EYS: variants seen among roughly 807,000 people sequenced by gnomAD.
The protein encoded by EYS is EGF-like photoreceptor maintenance factor.
Under a neutral mutation model 282.1 loss-of-function variants are expected in EYS, and 250 were observed. That is an observed-to-expected ratio of 0.89 (90% CI 0.80 to 0.98). EYS has a LOEUF of 0.98. EYS is among the 50% of genes least tolerant of loss of function. EYS has a pLI of 0.00. For synonymous variants in EYS, 1,355 were observed against 1,282.9 expected (o/e 1.06, Z -1.20); for missense variants, 4,016 against 3,709.0 (o/e 1.08, Z -2.15).
intron 19 of EYS, among the ~76,000 whole-genome samples, chr6:64,843,787 T>G (rs1482833011): frequency 1.3e-5 from 2 of 152,028 alleles, no homozygotes; most frequent in Non-Finnish European, 2.9e-5. Context: ...GCATGATTGA[T>G]TTTGAAATGT....
intron 13 of EYS, among the ~76,000 whole-genome samples, chr6:65,032,711 T>C (rs1455565681): frequency 6.6e-6 from 1 of 152,094 alleles, no homozygotes; most frequent in African/African-American, 2.4e-5. Flanking sequence ...CAGTCTTGGG[T>C]TCTTTTTATA....
intron 22 of EYS, among the ~76,000 whole-genome samples, chr6:64,645,730 G>T (rs900588611): frequency 6.6e-6 from 1 of 152,066 alleles, no homozygotes; most frequent in Admixed American, 6.5e-5. Context: ...TTATTAGAAT[G>T]CTGTCAGAAA....
chr6:64,616,855 C>T (rs1051094208), intron 24 of EYS, among the ~76,000 whole-genome samples: 10 of 152,128 alleles, frequency 6.6e-5, no homozygotes, highest in Non-Finnish European at 1.2e-4. Flanking sequence ...TTACCAATTG[C>T]TGTTTTTTCA....
intron 31 of EYS, among the ~76,000 whole-genome samples, chr6:64,102,363 A>G (rs1267489034): frequency 6.6e-6 from 1 of 152,194 alleles, no homozygotes; most frequent in African/African-American, 2.4e-5. Flanking sequence ...ATCATTTTCA[A>G]GAGTGAATTT....
At chr6:64,898,934 C>T (rs751854613) in intron 18 of EYS, among the ~76,000 whole-genome samples, 9 of 151,836 alleles carry the variant, frequency 5.9e-5, no homozygotes, top group Non-Finnish European at 1.0e-4. Context: ...GCATACAATA[C>T]AGGAGCACCC....
chr6:64,000,168 C>CTTTTTTT lies in EYS; in HGVS notation c.6726-992_6726-986dup, dbSNP rs71551553. Among the ~76,000 whole-genome samples, 46 of 42,726 alleles carry CTTTTTTT rather than the reference C, an allele frequency of 1.1e-3. 9 individuals carry two copies. Among genetic ancestry groups the CTTTTTTT allele is most frequent in the East Asian group, 3.4e-3 (4 of 1,166 alleles). The allele number at this position is 42,726 out of a possible 152,430, so 28.0% of individuals were successfully genotyped here. On this transcript the variant is annotated intron_variant, in intron 33 of 42. Coordinates refer to ENST00000503581, the MANE Select transcript of EYS (RefSeq NM_001142800.2). ...CTGAGGAGTTTCCCAAGACATGGGA[C>CTTTTTTT]TTTTTTTTTTTTTTTTTTTTTTTTT...
intron 29 of EYS, among the ~76,000 whole-genome samples, chr6:64,364,419 T>C (rs1213141105): frequency 6.6e-6 from 1 of 151,948 alleles, no homozygotes. Flanking sequence ...ATTATGAATA[T>C]AGCATACATG....
intron 30 of EYS, among the ~76,000 whole-genome samples, chr6:64,284,016 C>A (rs1403807981): frequency 6.6e-6 from 1 of 152,134 alleles, no homozygotes; most frequent in African/African-American, 2.4e-5. Flanking sequence ...CCATATCATT[C>A]CACCCCTGGC....
chr6:64,167,989 G>A (rs1764347658), intron 31 of EYS, among the ~76,000 whole-genome samples: 1 of 152,176 alleles, frequency 6.6e-6, no homozygotes, highest in Non-Finnish European at 1.5e-5. Context: ...TAGGCCAGGC[G>A]CAGTGGCTCA....
chr6:64,309,739 C>T (rs1450079905), intron 29 of EYS, among the ~76,000 whole-genome samples: 1 of 151,872 alleles, frequency 6.6e-6, no homozygotes, highest in Non-Finnish European at 1.5e-5. Flanking sequence ...GGCCGAGGCA[C>T]GTGGATCATG....
intron 31 of EYS, among the ~76,000 whole-genome samples, chr6:64,198,469 C>T (rs1053448007): frequency 5.3e-5 from 8 of 152,092 alleles, no homozygotes; most frequent in African/African-American, 1.7e-4. Context: ...AATGCTAGCC[C>T]TCCCCTGGCC....
chr6:64,261,790 T>G (rs1052480767), intron 30 of EYS, among the ~76,000 whole-genome samples: 1 of 151,230 alleles, frequency 6.6e-6, no homozygotes, highest in African/African-American at 2.4e-5. Context: ...TTATTTTGTT[T>G]TTTTTTTTTC....
At chr6:64,948,774 T>G (rs779735497) in intron 14 of EYS, among the ~76,000 whole-genome samples, 1 of 151,516 alleles carries the variant, frequency 6.6e-6, no homozygotes, top group Non-Finnish European at 1.5e-5. Context: ...AATTAGAATC[T>G]TATCATTTTT....
chr6:64,480,793 TCTA>T (rs1325159633), intron 26 of EYS, among the ~76,000 whole-genome samples: 1 of 151,772 alleles, frequency 6.6e-6, no homozygotes, highest in African/African-American at 2.4e-5. Context: ...TGGCACTTAT[TCTA>T]CTGCTGTTAC....
chr6:63,852,222 AAAATAGAACCCTAGCCAGAC>A (rs1366963929), intron 36 of EYS, among the ~76,000 whole-genome samples: 1 of 151,560 alleles, frequency 6.6e-6, no homozygotes, highest in Admixed American at 6.6e-5. Context: ...AAATATTAAC[AAAATAGAACCCTAGCCAGAC>A]TAATAAGAAA....
At chr6:63,735,795 T>C (rs115418747) in intron 41 of EYS, among the ~76,000 whole-genome samples, 1 of 152,068 alleles carries the variant, frequency 6.6e-6, no homozygotes, top group Non-Finnish European at 1.5e-5. Context: ...TTAGTTGTCA[T>C]GTCTCTTCAT....
Position 63,760,671 on chromosome 6 carries a change from T to A in EYS, c.8071+1790A>T, listed in dbSNP as rs552427400. On this transcript the variant is annotated intron_variant, in intron 41 of 42. Transcript: ENST00000503581. ...GTATATCTATCTATCTATCTATCTA[T>A]CTATCTATCTATCTATCTATCTATC... 5.3e-5 allele frequency among the ~76,000 whole-genome samples: 8 copies of A among 151,346 alleles called. No homozygotes were observed. The South Asian group carries it at 1.7e-3, about 32-fold the overall frequency.
At chr6:64,134,211 G>GT (rs1472204261) in intron 31 of EYS, among the ~76,000 whole-genome samples, 3 of 152,026 alleles carry the variant, frequency 2.0e-5, no homozygotes, top group African/African-American at 7.2e-5. Flanking sequence ...CTACTGGCCA[G>GT]TTTTAAGCCA....
Position 65,156,421 on chromosome 6 carries a change from C to T in EYS, c.2024-98694G>A, listed in dbSNP as rs1290024737. Among the ~76,000 whole-genome samples, 4 of 151,078 alleles carry T rather than the reference C, an allele frequency of 2.6e-5. No individual in the cohort carries two copies. The Admixed American group carries it at 2.7e-4, about 10-fold the overall frequency. ...TATCCTCTCATATTGTTCCTGTTCC[C>T]ATATTTTCTGGACTTCCTCTTTCCA... On this transcript the variant is annotated intron_variant, in intron 12 of 42. Transcript: ENST00000503581.
Sources: allele counts gnomAD v4.1 joint callset (sites outside exome capture counted in the v4.1 genomes callset), GRCh38; gene constraint gnomAD v4.1.1; transcripts MANE v1.5; gene names NCBI Gene and HGNC (gene_info 2026-07-23, HGNC 2026-07-21).